The following PRSS50 variants were observed in gnomAD, a reference collection of about 807,000 sequenced individuals.
The protein encoded by PRSS50 is serine protease 50, also known as probable threonine protease PRSS50.
In PRSS50, 23 loss-of-function variants were observed where a neutral mutation model predicts 34.2. The observed-to-expected ratio is 0.67, with a 90% CI of 0.48 to 0.95. PRSS50 has a LOEUF of 0.95. Among genes scored for constraint, PRSS50 ranks in the 40% least tolerant of loss-of-function variants. The pLI, the probability that PRSS50 is intolerant of heterozygous loss-of-function variation, is 0.00. For synonymous variants in PRSS50, 224 were observed against 211.2 expected (o/e 1.06, Z -0.53); for missense variants, 484 against 513.4 (o/e 0.94, Z 0.55).
rs1260066505 is a variant in PRSS50, at chr3:46,712,339, G to C, written c.1065C>G (p.Asp355Glu). Residue 355 changes from aspartate to glutamate, a missense_variant, in exon 6 of 6, where the codon GAC becomes GAG. Physicochemically the swap from Asp to Glu is conservative, Grantham distance 45 (BLOSUM62 2). Transcript: ENST00000315170. The part of the protein sequence containing the change: ...QVSSYQHWIW[D>E]CLNGQALALP... ...GGGCCAGGGCCTGCCCGTTGAGGCA[G>C]TCCCAGATCCAGTGTTGGTAGGAGG... 6.2e-7 allele frequency: 1 copy of C among 1,613,896 alleles called. No homozygotes were observed. Among genetic ancestry groups the C allele is most frequent in the East Asian group, 2.2e-5 (1 of 44,862 alleles).
At position 46,715,614 on chromosome 3, in the gene PRSS50, G is replaced by T. The variant is rs200918398; in HGVS notation, c.391C>A (p.Arg131=). The T allele has an allele frequency of 6.2e-7, 1 of 1,612,984 alleles. No individual in the cohort carries two copies. Among genetic ancestry groups the T allele is most frequent in the Non-Finnish European group, 8.5e-7 (1 of 1,179,750 alleles). ...GCACAGATGTGTGTGCCATTGGCCC[G>T]CACGCTGACCATCCAGGGCCACCGC... ...ARRWPWMVSV[R]ANGTHICAGT... Residue 131 remains arginine, a synonymous_variant, in exon 3 of 6, where the codon CGG becomes AGG. Coordinates refer to ENST00000315170, the MANE Select transcript of PRSS50 (RefSeq NM_013270.5). This position sits in a 1 kb window ranked among gnomAD's most constrained non-coding sequence, Gnocchi z 5.2.
In PRSS50 at chr3:46,712,371, G is replaced by A. The variant is rs991394977; in HGVS notation, c.1033C>T (p.Gln345Ter). 46 of 1,613,828 alleles carry A rather than the reference G, an allele frequency of 2.9e-5. No homozygotes were observed. Among genetic ancestry groups the A allele is most frequent in the Non-Finnish European group, 3.4e-5 (40 of 1,179,946 alleles). Residue 345 changes from glutamine to a stop codon, truncating the protein, a stop_gained, in exon 6 of 6, where the codon CAG (glutamine) becomes TAG (stop). Transcript: ENST00000315170. LOFTEE classifies it low-confidence loss of function (END_TRUNC). ...ATCCAGTGTTGGTAGGAGGAGACCTGTAGGTAGATGGGTGGGGCCTCGCTC... is the reference window on the plus strand; with the variant it reads ...ATCCAGTGTTGGTAGGAGGAGACCTATAGGTAGATGGGTGGGGCCTCGCTC... Reference protein sequence around the residue: ...QKSEAPPIYLQVSSYQHWIWD... With the variant: ...QKSEAPPIYL
Position 46,715,726 on chromosome 3 carries a change from G to T in PRSS50, c.308-29C>A. 6.4e-7 allele frequency: 1 copy of T among 1,551,634 alleles called. No individual in the cohort carries two copies. The highest frequency in any genetic ancestry group is 8.7e-7 in the Non-Finnish European group (1 of 1,144,238). The stretch of plus-strand genomic sequence containing the variant: ...AGGAGGAAGGTGAGAGCTTGATGAG[G>T]GATGGATCTTTCCCTGTCCCTCCCC... On this transcript the variant is annotated intron_variant, in intron 2 of 5. Coordinates refer to ENST00000315170, the MANE Select transcript of PRSS50 (RefSeq NM_013270.5). This position sits in a 1 kb window ranked among gnomAD's most constrained non-coding sequence, Gnocchi z 5.2.
Position 46,714,356 on chromosome 3 carries a change from CGTT to C in PRSS50, c.613_615del (p.Asn205del), listed in dbSNP as rs1700654119. On this transcript the variant is annotated inframe_deletion, in exon 4 of 6. Coordinates refer to ENST00000315170, the MANE Select transcript of PRSS50 (RefSeq NM_013270.5). ...TGCTTGAGCTTGAGGAGGCCGATGTCGTTGGCCTGGCCCACCCAGGACCAGAAC... is the reference window on the plus strand; with the variant it reads ...TGCTTGAGCTTGAGGAGGCCGATGTCGGCCTGGCCCACCCAGGACCAGAAC... The C allele has an allele frequency of 1.2e-6, 2 of 1,613,908 alleles. No homozygotes were observed. Among genetic ancestry groups the C allele is most frequent in the African/African-American group, 2.7e-5 (2 of 74,912 alleles).
rs1257476333 is a variant in PRSS50, at chr3:46,714,509, G to T, written c.471-8C>A. The T allele has an allele frequency of 6.4e-6, 10 of 1,563,926 alleles. No homozygotes were observed. Among genetic ancestry groups the T allele is most frequent in the Non-Finnish European group, 8.6e-6 (10 of 1,156,554 alleles). On this transcript the variant is annotated splice_polypyrimidine_tract_variant and splice_region_variant and intron_variant, in intron 3 of 5. Coordinates refer to ENST00000315170, the MANE Select transcript of PRSS50 (RefSeq NM_013270.5). Reference sequence around the variant, plus strand: ...GAGTAGATAACATCACGCCTAGGGGGGCCGTGAGGGGAGGCCATGATCAGC... The same window carrying T: ...GAGTAGATAACATCACGCCTAGGGGTGCCGTGAGGGGAGGCCATGATCAGC...
chr3:46,712,686 G>A (rs558500403), intron 5 of PRSS50, among the ~76,000 whole-genome samples: 6 of 86,268 alleles, frequency 7.0e-5, no homozygotes, highest in African/African-American at 9.6e-5. Context: ...ATCTCCCCAC[G>A]GACCCCCCAC....
intron 4 of PRSS50, among the ~76,000 whole-genome samples, chr3:46,713,377 A>G (rs1700643301): frequency 6.6e-6 from 1 of 152,090 alleles, no homozygotes. Flanking sequence ...GGGCCTGCCA[A>G]GCCTTCCTTC....
Position 46,712,468 on chromosome 3 carries a change from C to T in PRSS50, c.936G>A (p.Glu312=), listed in dbSNP as rs1019520660. The change falls in exon 6 of 6, where the codon GAG becomes GAA. Residue 312 remains glutamate (E), a synonymous_variant. Coordinates refer to ENST00000315170, the MANE Select transcript of PRSS50 (RefSeq NM_013270.5). ...TGCCCTCCATGGAGCAGACCAAGGG[C>T]TCTCCAGTTAGCTCCTGTGGGAAGG... ...REKFCYELTG[E]PLVCSMEGTW... is the part of the protein sequence containing the mutation. The T allele has an allele frequency of 3.7e-6, 6 of 1,613,858 alleles. No homozygotes were observed. The East Asian group carries it at 1.3e-4, about 36-fold the overall frequency.
Position 46,712,209 on chromosome 3 carries a change from G to A in PRSS50, c.*37C>T, listed in dbSNP as rs1219615163. The A allele has an allele frequency of 1.3e-6, 2 of 1,550,298 alleles. No individual in the cohort carries two copies. The highest frequency in any genetic ancestry group is 4.6e-5 in the East Asian group (2 of 43,686). ...CACCCACAGCAACCTGGGCACGGAG[G>A]CAAGGGGGGCCCACAAGTGAGGGAG... On this transcript the variant is annotated 3_prime_UTR_variant, in exon 6 of 6. Coordinates refer to ENST00000315170, the MANE Select transcript of PRSS50 (RefSeq NM_013270.5).
chr3:46,715,490 A>G lies in PRSS50; in HGVS notation c.470+45T>C. 6.3e-7 allele frequency: 1 copy of G among 1,582,744 alleles called. No individual in the cohort carries two copies. Among genetic ancestry groups the G allele is most frequent in the Non-Finnish European group, 8.6e-7 (1 of 1,156,524 alleles). On this transcript the variant is annotated intron_variant, in intron 3 of 5. Coordinates refer to ENST00000315170, the MANE Select transcript of PRSS50 (RefSeq NM_013270.5). This position sits in a 1 kb window ranked among gnomAD's most constrained non-coding sequence, Gnocchi z 5.2. Reference sequence around the variant, plus strand: ...GGGAGGGGATGACTGGGCCCACAGCAGCTCCAAATACCTCTCCACCCACCC... The same window carrying G: ...GGGAGGGGATGACTGGGCCCACAGCGGCTCCAAATACCTCTCCACCCACCC...
In PRSS50 at chr3:46,717,694, G is replaced by T. The variant is rs748437953; in HGVS notation, c.106+25C>A. On this transcript the variant is annotated intron_variant, in intron 1 of 5. Transcript: ENST00000315170. The surrounding 1 kb of genome is among the most constrained non-coding windows in gnomAD (Gnocchi z 4.5). ...AAGGCGAGGGCCGCGTCAGGCGGGT[G>T]GGGTAGGGATCGGGAGGGACTCACC... 6.3e-7 allele frequency: 1 copy of T among 1,598,798 alleles called. No individual in the cohort carries two copies. The highest frequency in any genetic ancestry group is 2.3e-5 in the East Asian group (1 of 44,038).
At chr3:46,713,783 A>G (rs1700646740) in intron 4 of PRSS50, among the ~76,000 whole-genome samples, 1 of 152,224 alleles carries the variant, frequency 6.6e-6, no homozygotes, top group African/African-American at 2.4e-5. Context: ...GGGGAGGGGA[A>G]ACCATGAGCT....
chr3:46,714,632 T>A lies in PRSS50; in HGVS notation c.471-131A>T, dbSNP rs892694345. Reference sequence around the variant, plus strand: ...GGCCACCCACCCGCTTCAAGCCCCCTGAGCCTACTCCTCACCACAGACATG... The same window carrying A: ...GGCCACCCACCCGCTTCAAGCCCCCAGAGCCTACTCCTCACCACAGACATG... On this transcript the variant is annotated intron_variant, in intron 3 of 5. Transcript: ENST00000315170. 1.5e-5 allele frequency: 15 copies of A among 996,738 alleles called. No individual in the cohort carries two copies. In the Admixed American group the frequency reaches 1.7e-4, roughly 11 times the overall value. The allele number at this position is 996,738 out of a possible 1,614,324, so 61.7% of individuals were successfully genotyped here. A position where few individuals can be genotyped will look rare whatever the true frequency, so the allele number is the denominator to read the frequency against.
Position 46,715,823 on chromosome 3 carries a change from T to C in PRSS50, c.308-126A>G, listed in dbSNP as rs1474602598. 17 of 1,031,476 alleles carry C rather than the reference T, an allele frequency of 1.6e-5. No homozygotes were observed. The highest frequency in any genetic ancestry group is 2.4e-5 in the Non-Finnish European group (17 of 715,512). 63.9% of individuals were successfully genotyped at this position (1,031,476 alleles called of 1,614,324 possible). ...TCCAGGGGTGCTCCCTTTTCACCTG[T>C]CACCATGGAATGATGCTGTCCACAT... On this transcript the variant is annotated intron_variant, in intron 2 of 5. Coordinates refer to ENST00000315170, the MANE Select transcript of PRSS50 (RefSeq NM_013270.5). The surrounding 1 kb of genome is among the most constrained non-coding windows in gnomAD (Gnocchi z 5.2).
rs537240887 is a variant in PRSS50, at chr3:46,715,617, C to T, written c.388G>A (p.Val130Met). The change falls in exon 3 of 6, where the codon GTG becomes ATG. Residue 130 changes from valine to methionine, a missense_variant. Transcript: ENST00000315170. This position sits in a 1 kb window ranked among gnomAD's most constrained non-coding sequence, Gnocchi z 5.2. Reference protein sequence around the residue: ...VARRWPWMVSVRANGTHICAG... With the variant: ...VARRWPWMVSMRANGTHICAG... ...CAGATGTGTGTGCCATTGGCCCGCA[C>T]GCTGACCATCCAGGGCCACCGCCGA... The T allele has an allele frequency of 5.3e-5, 86 of 1,612,990 alleles. No homozygotes were observed. In the South Asian group the frequency reaches 7.5e-4, roughly 14 times the overall value.
rs1385205670 is a variant in PRSS50 at position 46,717,588 on chromosome 3, G to A, written c.156C>T (p.Pro52=). 2.5e-6 allele frequency: 4 copies of A among 1,613,576 alleles called. No individual in the cohort carries two copies. Among genetic ancestry groups the A allele is most frequent in the Non-Finnish European group, 2.5e-6 (3 of 1,179,906 alleles). Residue 52 remains proline (P), a synonymous_variant, in exon 2 of 6, where the codon CCC becomes CCT. Coordinates refer to ENST00000315170, the MANE Select transcript of PRSS50 (RefSeq NM_013270.5). This position sits in a 1 kb window ranked among gnomAD's most constrained non-coding sequence, Gnocchi z 4.5. ...EAPGALSTAD[P]ADQSVQCVPK... is the part of the protein sequence containing the mutation. The stretch of plus-strand genomic sequence containing the variant: ...GGACACACTGGACGCTCTGGTCGGC[G>A]GGATCAGCAGTGGACAGCGCCCCCG...
Position 46,713,133 on chromosome 3 carries a change from T to C in PRSS50, c.755-66A>G, listed in dbSNP as rs528882700. The C allele has an allele frequency of 3.8e-6, 6 of 1,572,024 alleles. No homozygotes were observed. The East Asian group carries it at 1.3e-4, about 35-fold the overall frequency. On this transcript the variant is annotated intron_variant, in intron 4 of 5. Coordinates refer to ENST00000315170, the MANE Select transcript of PRSS50 (RefSeq NM_013270.5). ...TGCCCACTACCGCCAGCCTCACTCG[T>C]CCTCTCTCCACTGTTCCCCACGTCC...
Position 46,712,226 on chromosome 3 carries a change from G to A in PRSS50, c.*20C>T. ...GCACGGAGGCAAGGGGGGCCCACAA[G>A]TGAGGGAGGGCACACAGAGTCAGAG... On this transcript the variant is annotated 3_prime_UTR_variant, in exon 6 of 6. Coordinates refer to ENST00000315170, the MANE Select transcript of PRSS50 (RefSeq NM_013270.5). 6.3e-7 allele frequency: 1 copy of A among 1,584,584 alleles called. No individual in the cohort carries two copies. The highest frequency in any genetic ancestry group is 8.6e-7 in the Non-Finnish European group (1 of 1,160,608).
rs73063655 is a variant in PRSS50, at chr3:46,713,806, G to T, written c.754+412C>A. ...GAAACCATGAGCTCCAGCTGCAGAC[G>T]GCCCCTAGCCAGCCATGTGGGCCTT... On this transcript the variant is annotated intron_variant, in intron 4 of 5. Transcript: ENST00000315170. 2.6e-5 allele frequency among the ~76,000 whole-genome samples: 4 copies of T among 152,300 alleles called. No homozygotes were observed. The South Asian group carries it at 8.3e-4, about 32-fold the overall frequency.
Sources: gnomAD v4.1 joint callset for allele counts (sites outside exome capture counted in the v4.1 genomes callset) on GRCh38, gnomAD v4.1.1 for gene constraint, Gnocchi (gnomAD v3.1) non-coding constraint, MANE v1.5 for transcripts, NCBI Gene and HGNC (gene_info 2026-07-23, HGNC 2026-07-21) for gene names.